Variants in ZNF407 observed in about 807,000 individuals in gnomAD.
ZNF407 encodes the protein zinc finger protein 407.
A neutral mutation model predicts 131.2 loss-of-function variants in ZNF407; 17 were observed. The observed-to-expected ratio is 0.13, with a 90% CI of 0.09 to 0.19. The LOEUF (loss-of-function observed/expected upper bound fraction) is 0.19, where lower values mean the gene tolerates loss of function less well. ZNF407 is among the 10% of genes least tolerant of loss of function. The pLI is 1.00. For missense variants in ZNF407, 2,681 were observed against 2,830.6 expected, an observed-to-expected ratio of 0.95 and a Z score of 1.20; for synonymous variants, 1,156 against 1,062.0, an observed-to-expected ratio of 1.09 and a Z score of -1.72.
chr18:74,619,951 A>G (rs919940476), intron 1 of ZNF407, among the ~76,000 whole-genome samples: 2 of 152,186 alleles, frequency 1.3e-5, no homozygotes, highest in East Asian at 3.9e-4. Context: ...AATGGCATTG[A>G]ATTTTTTCAC....
chr18:74,908,101 C>T (rs1447683794), intron 7 of ZNF407, among the ~76,000 whole-genome samples: 3 of 151,938 alleles, frequency 2.0e-5, no homozygotes, highest in Admixed American at 1.3e-4. Context: ...TTTTGGAATC[C>T]GTATTAATCA....
chr18:75,063,656 G>A lies in ZNF407; in HGVS notation c.5935G>A (p.Gly1979Arg). The A allele has an allele frequency of 6.2e-7, 1 of 1,605,864 alleles. No homozygotes were observed. Among genetic ancestry groups the A allele is most frequent in the Non-Finnish European group, 8.5e-7 (1 of 1,177,116 alleles). The change falls in exon 9 of 9, where the codon GGA (glycine) becomes AGA (arginine). Residue 1979 changes from glycine to arginine, a missense_variant. By Grantham distance (125) the Gly-to-Arg change is moderately radical. This residue lies in a region of ZNF407 where 620 missense variants were observed against 583.1 expected (regional missense o/e 1.06). Transcript: ENST00000299687. The surrounding 1 kb of genome is among the most constrained non-coding windows in gnomAD (Gnocchi z 6.6). ...GGAGATTTTAAACCTCTCGGAGGCT[G>A]GAGTCGCTCCCCCCGAGGCATCCTC... ...KQEILNLSEAGVAPPEASSAL... is the reference protein window; with the variant it reads ...KQEILNLSEARVAPPEASSAL...
intron 4 of ZNF407, among the ~76,000 whole-genome samples, chr18:74,841,341 A>G (rs1336937362): frequency 2.0e-5 from 3 of 151,984 alleles, no homozygotes; most frequent in Non-Finnish European, 2.9e-5. Flanking sequence ...GGGGGCTGCT[A>G]ACTGTTTACC....
chr18:74,688,015 C>T (rs1273241722), intron 3 of ZNF407, among the ~76,000 whole-genome samples: 1 of 152,024 alleles, frequency 6.6e-6, no homozygotes, highest in East Asian at 1.9e-4. Flanking sequence ...ATAGAACTGA[C>T]CTGCACTTTA....
At chr18:74,819,493 C>A (rs1599175187) in intron 4 of ZNF407, among the ~76,000 whole-genome samples, 2 of 152,274 alleles carry the variant, frequency 1.3e-5, no homozygotes, top group South Asian at 2.1e-4. Context: ...CAATGTCTTC[C>A]TTGGGCACTG....
At chr18:74,975,990 A>G (rs566787399) in intron 8 of ZNF407, among the ~76,000 whole-genome samples, 5 of 151,984 alleles carry the variant, frequency 3.3e-5, no homozygotes, top group African/African-American at 1.2e-4. Flanking sequence ...TTCTTTTTTT[A>G]TTTATGTATT....
intron 3 of ZNF407, among the ~76,000 whole-genome samples, chr18:74,768,899 ATATT>A (rs1969302208): frequency 6.6e-6 from 1 of 152,108 alleles, no homozygotes; most frequent in Non-Finnish European, 1.5e-5. Flanking sequence ...GATGAAAATG[ATATT>A]TATAGAGTCC....
intron 3 of ZNF407, among the ~76,000 whole-genome samples, chr18:74,776,184 G>C (rs1348314955): frequency 6.6e-6 from 1 of 152,210 alleles, no homozygotes; most frequent in African/African-American, 2.4e-5. Flanking sequence ...AAGGGAACCT[G>C]TTTGCCCCTT....
Position 75,063,822 on chromosome 18 carries a change from A to G in ZNF407, c.6101A>G (p.Asp2034Gly). ...CAGGAGGTCTCCCATGTGGCTGCCG[A>G]CCCCGAGGCCCCCGAGATCCAGATG... ...PGQEVSHVAADPEAPEIQMFP... is the reference protein window; with the variant it reads ...PGQEVSHVAAGPEAPEIQMFP... Residue 2034 changes from aspartate to glycine, a missense_variant, in exon 9 of 9, where the codon GAC becomes GGC. Physicochemically the swap from Asp to Gly is moderately conservative, Grantham distance 94. This residue lies in a region of ZNF407 where 620 missense variants were observed against 583.1 expected (regional missense o/e 1.06). Transcript: ENST00000299687. The surrounding 1 kb of genome is among the most constrained non-coding windows in gnomAD (Gnocchi z 6.6). 1 of 1,607,120 alleles carries G rather than the reference A, an allele frequency of 6.2e-7. No individual in the cohort carries two copies. The highest frequency in any genetic ancestry group is 8.5e-7 in the Non-Finnish European group (1 of 1,178,952).
chr18:74,839,668 C>G (rs550633101), intron 4 of ZNF407, among the ~76,000 whole-genome samples: 1 of 152,232 alleles, frequency 6.6e-6, no homozygotes, highest in South Asian at 2.1e-4. Context: ...TGACAAGAAT[C>G]CATTGAAAAT....
At chr18:74,975,694 A>G (rs1972520465) in intron 8 of ZNF407, among the ~76,000 whole-genome samples, 1 of 152,232 alleles carries the variant, frequency 6.6e-6, no homozygotes, top group African/African-American at 2.4e-5. Context: ...TAAAGTGATC[A>G]GCTTCAGTGA....
chr18:74,963,432 A>G (rs1363442035), intron 8 of ZNF407, among the ~76,000 whole-genome samples: 1 of 152,192 alleles, frequency 6.6e-6, no homozygotes, highest in Non-Finnish European at 1.5e-5. Flanking sequence ...TCAGAGCATC[A>G]TGTTAGTAAT....
chr18:74,873,677 C>T (rs1971117860), intron 4 of ZNF407, among the ~76,000 whole-genome samples: 1 of 151,506 alleles, frequency 6.6e-6, no homozygotes, highest in Admixed American at 6.6e-5. Context: ...TACCACTGCT[C>T]TCCAGCCTAG....
chr18:74,662,298 T>A (rs1985749607), intron 3 of ZNF407, among the ~76,000 whole-genome samples: 1 of 152,190 alleles, frequency 6.6e-6, no homozygotes. Context: ...ATATGATCCA[T>A]AAGACTAGGA....
At chr18:74,807,165 A>G (rs1193282628) in intron 4 of ZNF407, among the ~76,000 whole-genome samples, 3 of 152,226 alleles carry the variant, frequency 2.0e-5, no homozygotes, top group Admixed American at 1.3e-4. Context: ...ATTTGCAAGA[A>G]GTAATGCAAA....
At chr18:74,879,167 C>A (rs997227475) in intron 5 of ZNF407, among the ~76,000 whole-genome samples, 2 of 152,012 alleles carry the variant, frequency 1.3e-5, no homozygotes, top group Non-Finnish European at 2.9e-5. Flanking sequence ...AAATATAAAT[C>A]TTAAGAGGGA....
chr18:74,731,922 T>C (rs1049225423), intron 3 of ZNF407, among the ~76,000 whole-genome samples: 12 of 152,078 alleles, frequency 7.9e-5, no homozygotes, highest in African/African-American at 2.7e-4. Context: ...GTATAGATCA[T>C]GAAGAACAAG....
chr18:74,685,953 G>A (rs752873705), intron 3 of ZNF407, among the ~76,000 whole-genome samples: 6 of 152,178 alleles, frequency 3.9e-5, no homozygotes, highest in Non-Finnish European at 8.8e-5. Flanking sequence ...AGATCTTTGG[G>A]TTTTGTTTGT....
chr18:74,965,773 A>G (rs183994523), intron 8 of ZNF407, among the ~76,000 whole-genome samples: 328 of 152,264 alleles, frequency 2.2e-3, no homozygotes, highest in Non-Finnish European at 3.9e-3. Flanking sequence ...TATGTTCCCA[A>G]CAACACTGTT....
Sources: allele counts gnomAD v4.1 joint callset (sites outside exome capture counted in the v4.1 genomes callset), GRCh38; gene constraint gnomAD v4.1.1; regional missense constraint gnomAD v4.1.1; non-coding constraint Gnocchi (gnomAD v3.1); transcripts MANE v1.5; gene names NCBI Gene and HGNC (gene_info 2026-07-23, HGNC 2026-07-21).